Variants in WDR41 observed in about 807,000 individuals in gnomAD.
WDR41 encodes the protein WD repeat-containing protein 41.
In WDR41, 63 loss-of-function variants were observed where a neutral mutation model predicts 69.3. That is an observed-to-expected ratio of 0.91 (90% CI 0.74 to 1.12). The LOEUF (loss-of-function observed/expected upper bound fraction) is 1.12, where lower values mean the gene tolerates loss of function less well. Among genes scored for constraint, WDR41 ranks in the 50% most tolerant of loss-of-function variants. The probability of loss-of-function intolerance (pLI) is 0.00; values close to 1 mark genes in which losing one functional copy is unlikely to be tolerated. For synonymous variants in WDR41, 185 were observed against 192.1 expected, an observed-to-expected ratio of 0.96 and a Z score of 0.31; for missense variants, 543 against 534.5, an observed-to-expected ratio of 1.02 and a Z score of -0.16.
intron 12 of WDR41, among the ~76,000 whole-genome samples, chr5:77,435,033 T>A (rs1416337630): frequency 6.6e-6 from 1 of 152,148 alleles, no homozygotes; most frequent in Non-Finnish European, 1.5e-5. Flanking sequence ...CCTACTAGTG[T>A]CTGTTCACAG....
Position 77,509,552 on chromosome 5 carries a change from T to C in WDR41, c.43-19980A>G, listed in dbSNP as rs148756354. Among the ~76,000 whole-genome samples the C allele has an allele frequency of 1.3e-3, 203 of 152,250 alleles. 2 individuals are homozygous for C. In the East Asian group the frequency reaches 0.038, roughly 28 times the overall value. On this transcript the variant is annotated intron_variant, in intron 1 of 5. Transcript: ENST00000509971. ...TACAGTACTGACACAGGCTGCGACA[T>C]TGATGATCATTGAAAACATTAGCGA...
intron 9 of WDR41, among the ~76,000 whole-genome samples, chr5:77,439,261 G>C (rs565865526): frequency 2.0e-5 from 3 of 152,144 alleles, no homozygotes; most frequent in Admixed American, 6.5e-5. Flanking sequence ...TTTCACCAGA[G>C]ATTCTGGGCT....
rs376498431 is a variant in WDR41, at chr5:77,489,420, C to G, written c.167+37G>C. ...ACATAAAATTCCCTAAAACCTCTTCCCAAACAATAGTCAATTAGACCACTA... is the reference window on the plus strand; with the variant it reads ...ACATAAAATTCCCTAAAACCTCTTCGCAAACAATAGTCAATTAGACCACTA... On this transcript the variant is annotated intron_variant, in intron 2 of 12. Transcript: ENST00000296679. 9.5e-5 allele frequency: 128 copies of G among 1,342,388 alleles called. No individual in the cohort carries two copies. In the Admixed American group the frequency reaches 1.7e-3, roughly 18 times the overall value. 83.2% of individuals were successfully genotyped at this position (1,342,388 alleles called of 1,614,324 possible).
At chr5:77,597,764 C>T (rs1744252929) in intron 1 of WDR41, among the ~76,000 whole-genome samples, 1 of 152,136 alleles carries the variant, frequency 6.6e-6, no homozygotes, top group Admixed American at 6.6e-5. Context: ...TATGAACCTA[C>T]ACAAAGAATA....
At chr5:77,501,376 C>T (rs1376231027) in intron 1 of WDR41, among the ~76,000 whole-genome samples, 1 of 152,260 alleles carries the variant, frequency 6.6e-6, no homozygotes. Flanking sequence ...AGCCGGGAAG[C>T]TCGAACTGGG....
At chr5:77,571,211 TG>T (rs1203140823) in intron 1 of WDR41, among the ~76,000 whole-genome samples, 1 of 152,080 alleles carries the variant, frequency 6.6e-6, no homozygotes, top group Non-Finnish European at 1.5e-5. Flanking sequence ...CCCTAAATTT[TG>T]GGGGGAAAAT....
upstream of WDR41, among the ~76,000 whole-genome samples, chr5:77,494,684 G>A (rs991332820): frequency 1.3e-5 from 2 of 152,062 alleles, no homozygotes; most frequent in Admixed American, 6.5e-5. Context: ...TAACAGAATT[G>A]AAGAAAGATA....
chr5:77,452,773 A>G (rs989406843), intron 6 of WDR41: 1 of 152,202 alleles, frequency 6.6e-6, no homozygotes, highest in Non-Finnish European at 1.5e-5. Context: ...AATATATAGT[A>G]CTTAAACATA....
intron 1 of WDR41, among the ~76,000 whole-genome samples, chr5:77,597,668 C>T (rs1443098612): frequency 6.6e-6 from 1 of 152,180 alleles, no homozygotes; most frequent in African/African-American, 2.4e-5. Context: ...TTGTTCACTG[C>T]TTTATCCTCA....
At chr5:77,443,876 C>CTTT (rs746105630) in intron 8 of WDR41, among the ~76,000 whole-genome samples, 3 of 105,004 alleles carry the variant, frequency 2.9e-5, no homozygotes, top group African/African-American at 7.2e-5. Context: ...TCAATCAGCA[C>CTTT]TTTTTTTTTT....
intron 1 of WDR41, among the ~76,000 whole-genome samples, chr5:77,599,719 A>G (rs185271070): frequency 6.6e-6 from 1 of 152,350 alleles, no homozygotes; most frequent in Admixed American, 6.5e-5. Context: ...GTAAGAGGCT[A>G]GCCCTCTTTC....
intron 8 of WDR41, among the ~76,000 whole-genome samples, chr5:77,442,910 A>AAAAAAAAAAAAAG (rs1200754365): frequency 7.4e-5 from 11 of 148,260 alleles, no homozygotes; most frequent in African/African-American, 2.3e-4. Flanking sequence ...AAAAAAAAAA[A>AAAAAAAAAAAAAG]AAAGGATTTT....
chr5:77,462,787 A>G (rs1037712133), intron 4 of WDR41, among the ~76,000 whole-genome samples: 2 of 152,122 alleles, frequency 1.3e-5, no homozygotes. Context: ...GCAAACTGAG[A>G]TAGTAAAATA....
chr5:77,484,174 C>G (rs936511249), intron 2 of WDR41, among the ~76,000 whole-genome samples: 1 of 152,154 alleles, frequency 6.6e-6, no homozygotes, highest in African/African-American at 2.4e-5. Context: ...TTCACTCACT[C>G]CTGTCATCCT....
intron 1 of WDR41, among the ~76,000 whole-genome samples, chr5:77,500,447 GA>G (rs1175966996): frequency 6.6e-6 from 1 of 151,130 alleles, no homozygotes; most frequent in Non-Finnish European, 1.5e-5. Flanking sequence ...GACTGACAAA[GA>G]AAAAAAATAA....
At chr5:77,469,802 T>A (rs149261519) in intron 2 of WDR41, among the ~76,000 whole-genome samples, 1 of 152,078 alleles carries the variant, frequency 6.6e-6, no homozygotes, top group Non-Finnish European at 1.5e-5. Flanking sequence ...CTACGTCTGA[T>A]TGGTGTAACT....
At chr5:77,595,629 ATGTGC>A (rs1744214438) in intron 1 of WDR41, among the ~76,000 whole-genome samples, 5 of 152,218 alleles carry the variant, frequency 3.3e-5, no homozygotes, top group Non-Finnish European at 7.3e-5. Context: ...GTAAGCCCAA[ATGTGC>A]AGGGTCACAA....
chr5:77,573,506 C>G (rs1743769893), intron 1 of WDR41, among the ~76,000 whole-genome samples: 1 of 152,134 alleles, frequency 6.6e-6, no homozygotes. Flanking sequence ...AAATATGAAG[C>G]TTATCCCAAA....
At chr5:77,476,190 C>T (rs1013864443) in intron 2 of WDR41, among the ~76,000 whole-genome samples, 2 of 152,232 alleles carry the variant, frequency 1.3e-5, no homozygotes, top group East Asian at 3.9e-4. Flanking sequence ...ACCAAATCTA[C>T]GTCTGACTGG....
Sources: allele counts gnomAD v4.1 joint callset (sites outside exome capture counted in the v4.1 genomes callset), GRCh38; gene constraint gnomAD v4.1.1; transcripts MANE v1.5; gene names NCBI Gene and HGNC (gene_info 2026-07-23, HGNC 2026-07-21).